SDCCAG8: variants seen among roughly 807,000 people sequenced by gnomAD.
SDCCAG8 encodes SHH signaling and ciliogenesis regulator SDCCAG8, also known as serologically defined colon cancer antigen 8.
A neutral mutation model predicts 101.8 loss-of-function variants in SDCCAG8; 74 were observed. That is an observed-to-expected ratio of 0.73 (90% CI 0.60 to 0.88). The LOEUF is 0.88. Ranked by LOEUF, SDCCAG8 falls within the 40% of genes least tolerant of loss-of-function variation. SDCCAG8 has a pLI of 0.00. For synonymous variants in SDCCAG8, 281 were observed against 292.9 expected (o/e 0.96, Z 0.41); for missense variants, 787 against 822.6 (o/e 0.96, Z 0.53).
chr1:243,480,721 G>GGA (rs1349657249), intron 16 of SDCCAG8, among the ~76,000 whole-genome samples: 3,245 of 33,570 alleles, frequency 0.097, 7 homozygotes, highest in African/African-American at 0.18. Flanking sequence ...GGATGGATGG[G>GGA]TGGGATGGAT....
At chr1:243,338,403 T>A (rs1347586316) in intron 10 of SDCCAG8, among the ~76,000 whole-genome samples, 7 of 152,254 alleles carry the variant, frequency 4.6e-5, no homozygotes, top group Middle Eastern at 3.4e-3. Context: ...ATGTTTTTTT[T>A]ATTCCTCCCT....
At chr1:243,483,916 T>G (rs1231668756) in intron 16 of SDCCAG8, among the ~76,000 whole-genome samples, 1 of 152,154 alleles carries the variant, frequency 6.6e-6, no homozygotes, top group Non-Finnish European at 1.5e-5. Flanking sequence ...GAGCTGCATT[T>G]TTAACAAACT....
At chr1:243,371,731 A>C (rs2147883736) in intron 12 of SDCCAG8, among the ~76,000 whole-genome samples, 1 of 152,244 alleles carries the variant, frequency 6.6e-6, no homozygotes, top group East Asian at 1.9e-4. Context: ...TGGTTCCCCA[A>C]GTGTCTAGCT....
chr1:243,498,756 G>A (rs749489008), intron 17 of SDCCAG8, among the ~76,000 whole-genome samples: 6 of 152,234 alleles, frequency 3.9e-5, no homozygotes, highest in Admixed American at 6.5e-5. Context: ...GGTTGATAGA[G>A]TCCTCCCTTG....
chr1:243,364,528 G>C (rs2076888103), intron 12 of SDCCAG8, among the ~76,000 whole-genome samples: 1 of 152,174 alleles, frequency 6.6e-6, no homozygotes, highest in African/African-American at 2.4e-5. Flanking sequence ...GTAGAGAGAG[G>C]TGACCTCAGC....
intron 8 of SDCCAG8, among the ~76,000 whole-genome samples, chr1:243,315,746 T>A (rs1033263776): frequency 6.6e-6 from 1 of 152,208 alleles, no homozygotes; most frequent in Non-Finnish European, 1.5e-5. Context: ...AAAATCATAG[T>A]TGGCCCTTTT....
At chr1:243,399,484 T>C (rs2079231955) in intron 13 of SDCCAG8, among the ~76,000 whole-genome samples, 1 of 152,238 alleles carries the variant, frequency 6.6e-6, no homozygotes, top group East Asian at 1.9e-4. Flanking sequence ...GTTCACTTCT[T>C]AGAACTTTTT....
At chr1:243,340,919 C>T in intron 10 of SDCCAG8, 120 bp from the exon 11 acceptor site, 1 of 1,001,876 alleles carries the variant, frequency 1.0e-6, no homozygotes, top group Non-Finnish European at 1.6e-6. Context: ...CATACCCAAT[C>T]CACAGAGAAA....
chr1:243,489,163 G>A lies in SDCCAG8; in HGVS notation c.2112+23G>A, dbSNP rs752615881. 3 of 1,609,936 alleles carry A rather than the reference G, an allele frequency of 1.9e-6. No homozygotes were observed. In the African/African-American group the frequency reaches 4.0e-5, roughly 22 times the overall value. On this transcript the variant is annotated intron_variant, in intron 17 of 17. Transcript: ENST00000366541. The stretch of plus-strand genomic sequence containing the variant: ...CAGGTACTGTGCAGAACGCGGCGCA[G>A]GTGGGAGTCCTTGGGCGGGCGTCTA...
At chr1:243,391,917 A>G (rs10803138) in intron 13 of SDCCAG8, among the ~76,000 whole-genome samples, 115,958 of 150,992 alleles carry the variant, frequency 0.77, 44,348 homozygotes, top group East Asian at 0.97. Flanking sequence ...CCCTTTGCCC[A>G]GTAGCTCATC....
chr1:243,399,976 TAC>T (rs1280826436), intron 13 of SDCCAG8, among the ~76,000 whole-genome samples: 3 of 152,246 alleles, frequency 2.0e-5, no homozygotes, highest in African/African-American at 4.8e-5. Flanking sequence ...CAGAGGTTAG[TAC>T]CTTGACCCAA....
intron 13 of SDCCAG8, among the ~76,000 whole-genome samples, chr1:243,388,542 C>T (rs72759858): frequency 0.12 from 17,545 of 151,946 alleles, 1,131 homozygotes; most frequent in African/African-American, 0.15. Context: ...AGTATCTGCA[C>T]TGTTGCCCTT....
At chr1:243,370,724 T>C (rs1364984065) in intron 12 of SDCCAG8, among the ~76,000 whole-genome samples, 2 of 152,132 alleles carry the variant, frequency 1.3e-5, no homozygotes, top group African/African-American at 2.4e-5. Context: ...GAGAGCTACG[T>C]TAGCTCTGAG....
At chr1:243,263,417 C>T (rs1423115010) in intron 1 of SDCCAG8, among the ~76,000 whole-genome samples, 2 of 152,166 alleles carry the variant, frequency 1.3e-5, no homozygotes, top group Non-Finnish European at 2.9e-5. Flanking sequence ...CCTTGATCTG[C>T]AAGAATCCTA....
intron 5 of SDCCAG8, among the ~76,000 whole-genome samples, chr1:243,289,321 C>A (rs563284220): frequency 6.6e-6 from 1 of 152,134 alleles, no homozygotes; most frequent in East Asian, 1.9e-4. Flanking sequence ...GCTTTATATT[C>A]GCTGGCAGCT....
Position 243,386,768 on chromosome 1 carries a change from TGA to T in SDCCAG8, c.1616+7926_1616+7927del, listed in dbSNP as rs112662776. Among the ~76,000 whole-genome samples, 309 of 143,162 alleles carry T rather than the reference TGA, an allele frequency of 2.2e-3. 2 individuals carry two copies. Among genetic ancestry groups the T allele is most frequent in the African/African-American group, 6.3e-3 (248 of 39,432 alleles). The allele number at this position is 143,162 out of a possible 152,430, so 93.9% of individuals were successfully genotyped here. On this transcript the variant is annotated intron_variant, in intron 13 of 17. Coordinates refer to ENST00000366541, the MANE Select transcript of SDCCAG8 (RefSeq NM_006642.5). The stretch of plus-strand genomic sequence containing the variant: ...ACTCCATCTCAAAAAAGAAAGAAAG[TGA>T]GAGAGAGAGAGAGAGAGAGAAAGAA...
chr1:243,299,915 A>T (rs1433736571), intron 6 of SDCCAG8, among the ~76,000 whole-genome samples: 1 of 145,884 alleles, frequency 6.9e-6, no homozygotes, highest in Non-Finnish European at 1.5e-5. Flanking sequence ...CCCAGGCTGG[A>T]GTGCAATGGA....
intron 16 of SDCCAG8, among the ~76,000 whole-genome samples, chr1:243,449,745 C>G (rs371589183): frequency 2.3e-4 from 35 of 152,168 alleles, no homozygotes; most frequent in Non-Finnish European, 8.8e-5. Context: ...GCAGGGTTAC[C>G]TCCTGTTAGG....
intron 11 of SDCCAG8, among the ~76,000 whole-genome samples, chr1:243,341,580 A>C (rs965359291): frequency 1.3e-5 from 2 of 152,244 alleles, no homozygotes; most frequent in African/African-American, 4.8e-5. Context: ...CCAAAGACAT[A>C]TATTGACAAC....
Sources: allele counts gnomAD v4.1 joint callset (sites outside exome capture counted in the v4.1 genomes callset), GRCh38; gene constraint gnomAD v4.1.1; transcripts MANE v1.5; gene names NCBI Gene and HGNC (gene_info 2026-07-23, HGNC 2026-07-21).